APOD: variants seen among roughly 807,000 people sequenced by gnomAD.
APOD encodes the protein apolipoprotein D, also known as apo-D.
Under a neutral mutation model 20.4 loss-of-function variants are expected in APOD, and 22 were observed. The ratio of observed to expected loss-of-function variants is 1.08; its 90% CI spans 0.77 to 1.54. The LOEUF (loss-of-function observed/expected upper bound fraction) is 1.54. Ranked by LOEUF, APOD falls within the 40% of genes most tolerant of loss-of-function variation. The pLI is 0.00. For synonymous variants in APOD, 97 were observed against 92.4 expected (o/e 1.05, Z -0.29); for missense variants, 223 against 229.6 (o/e 0.97, Z 0.19).
intron 1 of APOD, among the ~76,000 whole-genome samples, chr3:195,580,619 G>A (rs563896087): frequency 9.7e-4 from 147 of 152,266 alleles, no homozygotes; most frequent in Non-Finnish European, 1.7e-3. Context: ...TGGCCATGCT[G>A]GTCTCAAACT....
chr3:195,570,276 G>T (rs1720138002), intron 4 of APOD, among the ~76,000 whole-genome samples: 1 of 152,126 alleles, frequency 6.6e-6, no homozygotes, highest in South Asian at 2.1e-4. Flanking sequence ...GTGATGGCCT[G>T]CGTCACTCAG....
chr3:195,578,607 C>T (rs1180001215), intron 2 of APOD, among the ~76,000 whole-genome samples: 5 of 152,054 alleles, frequency 3.3e-5, no homozygotes, highest in African/African-American at 4.8e-5. Context: ...GAAGAAAGAC[C>T]ATCTATGGAG....
chr3:195,578,790 G>A (rs1352936791), intron 2 of APOD, among the ~76,000 whole-genome samples: 2 of 152,128 alleles, frequency 1.3e-5, no homozygotes, highest in Admixed American at 6.5e-5. Context: ...GGGAGATTCC[G>A]ATGCTGCATC....
chr3:195,572,479 G>T (rs1720178052), intron 3 of APOD, among the ~76,000 whole-genome samples: 1 of 152,192 alleles, frequency 6.6e-6, no homozygotes. Flanking sequence ...AAAGCTGGGG[G>T]CTTAGATTGG....
At chr3:195,576,385 G>A (rs1231852572) in intron 2 of APOD, among the ~76,000 whole-genome samples, 1 of 152,046 alleles carries the variant, frequency 6.6e-6, no homozygotes, top group African/African-American at 2.4e-5. Flanking sequence ...AAAAGAAGAG[G>A]TAAAACTCTA....
At chr3:195,576,591 C>G (rs1047553550) in intron 2 of APOD, among the ~76,000 whole-genome samples, 4 of 152,130 alleles carry the variant, frequency 2.6e-5, no homozygotes, top group Non-Finnish European at 5.9e-5. Flanking sequence ...GGGTGGATCA[C>G]TTGAGGTCAG....
intron 3 of APOD, among the ~76,000 whole-genome samples, chr3:195,572,298 C>G (rs1720174660): frequency 6.6e-6 from 1 of 152,154 alleles, no homozygotes; most frequent in African/African-American, 2.4e-5. Flanking sequence ...CAATGTAGGC[C>G]AAGTAAAAGG....
rs965565016 is a variant in APOD, at chr3:195,571,969, C to T, written c.246-604G>A. Among the ~76,000 whole-genome samples the T allele has an allele frequency of 5.9e-5, 9 of 152,056 alleles. No individual in the cohort carries two copies. The East Asian group carries it at 7.7e-4, about 13-fold the overall frequency. On this transcript the variant is annotated intron_variant, in intron 3 of 4. Coordinates refer to ENST00000343267, the MANE Select transcript of APOD (RefSeq NM_001647.4). ...TAATTTTTTGTATCTTTAGTAGAGACGGGGTTTCACCATGTTAGCCAGGCT... is the reference window on the plus strand; with the variant it reads ...TAATTTTTTGTATCTTTAGTAGAGATGGGGTTTCACCATGTTAGCCAGGCT...
In APOD at chr3:195,568,831, TGG is replaced by T; in HGVS notation, c.*67_*68del. ...GTCGTGGTTGATTGGTTTGTCTTTA[TGG>T]GGGGGGGGTAGGGGAAAGCGAAGCA... On this transcript the variant is annotated 3_prime_UTR_variant, in exon 5 of 5. Transcript: ENST00000343267. The T allele has an allele frequency of 5.6e-6, 5 of 896,756 alleles. No individual in the cohort carries two copies. Among genetic ancestry groups the T allele is most frequent in the African/African-American group, 2.5e-5 (1 of 40,014 alleles). 55.5% of individuals were successfully genotyped at this position (896,756 alleles called of 1,614,324 possible). A position where few individuals can be genotyped will look rare whatever the true frequency, so the allele number is the denominator to read the frequency against.
chr3:195,572,859 T>TA (rs796133439), intron 3 of APOD, among the ~76,000 whole-genome samples: 2,110 of 144,350 alleles, frequency 0.015, 61 homozygotes, highest in African/African-American at 0.05. Flanking sequence ...AAAATACAAT[T>TA]AAAAAAAAAA....
At position 195,568,831 on chromosome 3, in the gene APOD, T is replaced by TGGC. The variant is rs146445395; in HGVS notation, c.*68_*69insGCC. ...GTCGTGGTTGATTGGTTTGTCTTTA[T>TGGC]GGGGGGGGGGTAGGGGAAAGCGAAG... is the stretch of plus-strand genomic sequence containing the variant. On this transcript the variant is annotated 3_prime_UTR_variant, in exon 5 of 5. Coordinates refer to ENST00000343267, the MANE Select transcript of APOD (RefSeq NM_001647.4). 19 of 896,788 alleles carry TGGC rather than the reference T, an allele frequency of 2.1e-5. No homozygotes were observed. Among genetic ancestry groups the TGGC allele is most frequent in the Admixed American group, 4.7e-5 (2 of 42,106 alleles). The allele number at this position is 896,788 out of a possible 1,614,324, so 55.6% of individuals were successfully genotyped here.
In APOD at chr3:195,573,885, T is replaced by C; in HGVS notation, c.210A>G (p.Glu70=). The C allele has an allele frequency of 1.9e-6, 3 of 1,614,186 alleles. No homozygotes were observed. The highest frequency in any genetic ancestry group is 2.5e-6 in the Non-Finnish European group (3 of 1,180,032). Residue 70 remains glutamate, a synonymous_variant, in exon 3 of 5, where the codon GAA becomes GAG. Transcript: ENST00000343267. ...RCIQANYSLM[E]NGKIKVLNQE... ...GGTTTAACACTTTGATCTTTCCGTT[T>C]TCCATTAGTGAGTAGTTGGCCTGGA...
chr3:195,568,831 TG>T lies in APOD; in HGVS notation c.*68del, dbSNP rs1553889293. ...GTCGTGGTTGATTGGTTTGTCTTTA[TG>T]GGGGGGGGGTAGGGGAAAGCGAAGC... On this transcript the variant is annotated 3_prime_UTR_variant, in exon 5 of 5. Transcript: ENST00000343267. The T allele has an allele frequency of 1.3e-3, 1,135 of 894,774 alleles. No individual in the cohort carries two copies. Among genetic ancestry groups the T allele is most frequent in the Non-Finnish European group, 1.6e-3 (934 of 601,064 alleles). The allele number at this position is 894,774 out of a possible 1,614,324, so 55.4% of individuals were successfully genotyped here.
chr3:195,583,554 C>T (rs182973712), intron 1 of APOD, among the ~76,000 whole-genome samples: 433 of 152,274 alleles, frequency 2.8e-3, no homozygotes, highest in Non-Finnish European at 3.8e-3. Context: ...TCACCTAGGA[C>T]GGTGTTTGTG....
At chr3:195,572,064 A>G (rs1385858159) in intron 3 of APOD, among the ~76,000 whole-genome samples, 1 of 152,254 alleles carries the variant, frequency 6.6e-6, no homozygotes, top group Non-Finnish European at 1.5e-5. Flanking sequence ...TACAGGCGTG[A>G]GCCGCCGTGC....
rs1171647060 is a variant in APOD at position 195,573,837 on chromosome 3, C to T, written c.245+13G>A. On this transcript the variant is annotated intron_variant, in intron 3 of 4. Coordinates refer to ENST00000343267, the MANE Select transcript of APOD (RefSeq NM_001647.4). ...CTCCGCAGGCCTGGCCCCGGACGCC[C>T]ACAGCCACTCACCTCAACTCCTGGT... 1.2e-6 allele frequency: 2 copies of T among 1,613,414 alleles called. No homozygotes were observed. The highest frequency in any genetic ancestry group is 1.7e-6 in the Non-Finnish European group (2 of 1,179,600).
At chr3:195,575,100 A>G (rs904188911) in intron 2 of APOD, among the ~76,000 whole-genome samples, 2 of 152,234 alleles carry the variant, frequency 1.3e-5, no homozygotes, top group African/African-American at 4.8e-5. Flanking sequence ...GGGGAGGATC[A>G]GTTTCCTTGC....
chr3:195,568,752 A>G lies in APOD; in HGVS notation c.*148T>C. 4 of 631,844 alleles carry G rather than the reference A, an allele frequency of 6.3e-6. 1 individual carries two copies. The South Asian group carries it at 7.5e-5, about 12-fold the overall frequency. 39.1% of individuals were successfully genotyped at this position (631,844 alleles called of 1,614,324 possible). A position where few individuals can be genotyped will look rare whatever the true frequency, so the allele number is the denominator to read the frequency against. ...CAGGTCAGCAACAAGTTTATTTTGC[A>G]GCTAGCAAGGTAACAGGGTAGGGCA... On this transcript the variant is annotated 3_prime_UTR_variant, in exon 5 of 5. Coordinates refer to ENST00000343267, the MANE Select transcript of APOD (RefSeq NM_001647.4).
chr3:195,569,385 A>G (rs1720119692), intron 4 of APOD, among the ~76,000 whole-genome samples: 1 of 148,376 alleles, frequency 6.7e-6, no homozygotes, highest in Non-Finnish European at 1.5e-5. Context: ...AGAGAGAGAC[A>G]GAGAGAGAGA....
Sources: allele counts gnomAD v4.1 joint callset (sites outside exome capture counted in the v4.1 genomes callset), GRCh38; gene constraint gnomAD v4.1.1; transcripts MANE v1.5; gene names NCBI Gene and HGNC (gene_info 2026-07-23, HGNC 2026-07-21).